The following ANKRD30B variants were observed in gnomAD, a reference collection of about 807,000 sequenced individuals.
The protein encoded by ANKRD30B is ankyrin repeat domain 30B, also known as ankyrin repeat domain-containing protein 30B.
Under a neutral mutation model 202.2 loss-of-function variants are expected in ANKRD30B, and 144 were observed. The observed-to-expected ratio is 0.71, with a 90% CI of 0.62 to 0.82. ANKRD30B has a LOEUF of 0.82. Among genes scored for constraint, ANKRD30B ranks in the 40% least tolerant of loss-of-function variants. The pLI, the probability that ANKRD30B is intolerant of heterozygous loss-of-function variation, is 0.00. For synonymous variants in ANKRD30B, 508 were observed against 561.3 expected (o/e 0.91, Z 1.34); for missense variants, 1,487 against 1,669.1 (o/e 0.89, Z 1.90).
chr18:14,843,646 C>A (rs570458134), intron 39 of ANKRD30B, among the ~76,000 whole-genome samples: 20 of 151,196 alleles, frequency 1.3e-4, no homozygotes, highest in African/African-American at 4.4e-4. Context: ...GTGTGGTACC[C>A]TTAATTTTTA....
At chr18:14,891,145 G>A in the ANKRD30B span, among the ~76,000 whole-genome samples, 125 of 152,234 alleles carry the variant, frequency 8.2e-4, 1 homozygote, top group Middle Eastern at 3.4e-3. Flanking sequence ...AAGAAAAGTC[G>A]AAGTGTCAAT....
At chr18:14,882,100 G>T in the ANKRD30B span, among the ~76,000 whole-genome samples, 1 of 152,006 alleles carries the variant, frequency 6.6e-6, no homozygotes, top group Non-Finnish European at 1.5e-5. Flanking sequence ...TTGTTCTTGT[G>T]TCAATTTCAT....
At chr18:14,911,508 T>C in the ANKRD30B span, among the ~76,000 whole-genome samples, 1 of 152,190 alleles carries the variant, frequency 6.6e-6, no homozygotes, top group African/African-American at 2.4e-5. Context: ...ACCATTACCA[T>C]GTTGTCTTGG....
chr18:14,812,536 T>TA (rs1417293552), intron 28 of ANKRD30B, among the ~76,000 whole-genome samples: 1 of 119,424 alleles, frequency 8.4e-6, no homozygotes, highest in East Asian at 2.6e-4. Context: ...TTTTTAAGCT[T>TA]ATCTTCCTAA....
intron 34 of ANKRD30B, among the ~76,000 whole-genome samples, chr18:14,835,139 A>C (rs1295731608): frequency 6.6e-6 from 1 of 151,864 alleles, no homozygotes; most frequent in Admixed American, 6.5e-5. Flanking sequence ...GTTTCTGATC[A>C]TATGAACATG....
chr18:14,874,762 T>C, the ANKRD30B span, among the ~76,000 whole-genome samples: 4 of 152,232 alleles, frequency 2.6e-5, no homozygotes, highest in African/African-American at 9.6e-5. Context: ...TCTTCCCTTT[T>C]ATGAATGGAA....
chr18:14,827,195 A>T (rs760630067), intron 32 of ANKRD30B, among the ~76,000 whole-genome samples: 5 of 152,150 alleles, frequency 3.3e-5, no homozygotes, highest in Non-Finnish European at 7.4e-5. Flanking sequence ...GGAACAGACC[A>T]TTTTGATGAC....
At chr18:14,789,378 G>T (rs1462524299) in intron 15 of ANKRD30B, among the ~76,000 whole-genome samples, 1 of 152,106 alleles carries the variant, frequency 6.6e-6, no homozygotes, top group East Asian at 1.9e-4. Context: ...TTGCTGTGCA[G>T]AAGCTCTTTA....
At position 14,748,408 on chromosome 18, in the gene ANKRD30B, G is replaced by A. The variant is rs528901505; in HGVS notation, c.-12G>A. On this transcript the variant is annotated 5_prime_UTR_variant, in exon 1 of 44. Coordinates refer to ENST00000690538, the MANE Select transcript of ANKRD30B (RefSeq NM_001367607.2). ...GGGAGGCGCGGGCTCTCTCTAGCAG[G>A]GGGCTGCAGCCATGAAGAGGCTCTT... is the stretch of plus-strand genomic sequence containing the variant. The A allele has an allele frequency of 8.7e-5, 127 of 1,467,582 alleles. 7 individuals are homozygous for A. The South Asian group carries it at 1.8e-3, about 20-fold the overall frequency. The allele number at this position is 1,467,582 out of a possible 1,614,324, so 90.9% of individuals were successfully genotyped here.
the ANKRD30B span, among the ~76,000 whole-genome samples, chr18:14,865,242 C>T: frequency 6.6e-6 from 1 of 151,972 alleles, no homozygotes; most frequent in South Asian, 2.1e-4. Flanking sequence ...CCTTCTCCCA[C>T]TGGCCACCCT....
the ANKRD30B span, among the ~76,000 whole-genome samples, chr18:14,880,905 G>C: frequency 6.6e-6 from 1 of 152,130 alleles, no homozygotes; most frequent in Non-Finnish European, 1.5e-5. Flanking sequence ...TTGATGTATA[G>C]AAGAGCTACT....
intron 34 of ANKRD30B, among the ~76,000 whole-genome samples, chr18:14,833,589 G>A (rs1476540365): frequency 2.0e-5 from 3 of 152,096 alleles, no homozygotes; most frequent in Non-Finnish European, 2.9e-5. Flanking sequence ...TCTCTCTGTA[G>A]TAAGAATATT....
intron 1 of ANKRD30B, among the ~76,000 whole-genome samples, chr18:14,751,648 G>A (rs988435635): frequency 2.6e-5 from 4 of 152,098 alleles, no homozygotes; most frequent in African/African-American, 9.7e-5. Context: ...CATACATTCT[G>A]TAAATCTAAA....
chr18:14,757,261 C>T (rs976842826), intron 4 of ANKRD30B, among the ~76,000 whole-genome samples: 11 of 152,132 alleles, frequency 7.2e-5, no homozygotes, highest in Non-Finnish European at 1.6e-4. Context: ...ACCTTGCAAA[C>T]ATTACATAAT....
intron 16 of ANKRD30B, 26 bp downstream of exon 16, chr18:14,791,517 G>C (rs751352664): frequency 1.3e-6 from 2 of 1,547,748 alleles, no homozygotes; most frequent in Admixed American, 3.7e-5. Flanking sequence ...TAATTAAAAA[G>C]TCATTTGACC....
At chr18:14,784,735 G>A (rs1598613612) in intron 14 of ANKRD30B, among the ~76,000 whole-genome samples, 200 bp downstream of exon 14, 1 of 152,144 alleles carries the variant, frequency 6.6e-6, no homozygotes, top group Non-Finnish European at 1.5e-5. Flanking sequence ...AAAAAATGTA[G>A]CCTTAATCTC....
Position 14,851,877 on chromosome 18 carries a change from T to G in ANKRD30B, c.3933T>G (p.Ser1311Arg). The G allele has an allele frequency of 6.3e-7, 1 of 1,589,222 alleles. No homozygotes were observed. The highest frequency in any genetic ancestry group is 8.6e-7 in the Non-Finnish European group (1 of 1,166,720). Residue 1311 changes from serine (S) to arginine (R), a missense_variant, in exon 42 of 44, where the codon AGT becomes AGG. Around this residue, in one of 6 missense-constraint regions of ANKRD30B, gnomAD observed 182 missense variants for 216.0 expected, o/e 0.84. Coordinates refer to ENST00000690538, the MANE Select transcript of ANKRD30B (RefSeq NM_001367607.2). ...LASALQDHDQ[S>R]VTSRKNQELA... The stretch of plus-strand genomic sequence containing the variant: ...CTGCTTTACAAGACCATGATCAAAG[T>G]GTCACATCAAGAAAAAACCAAGAAC...
the ANKRD30B span, among the ~76,000 whole-genome samples, chr18:14,922,276 A>C: frequency 5.3e-5 from 8 of 152,102 alleles, no homozygotes; most frequent in African/African-American, 1.9e-4. Context: ...CCAGAGGGGT[A>C]TCTCCCATCC....
At chr18:14,886,501 C>G in the ANKRD30B span, among the ~76,000 whole-genome samples, 2 of 151,982 alleles carry the variant, frequency 1.3e-5, no homozygotes, top group African/African-American at 4.8e-5. Flanking sequence ...GGATTTACTA[C>G]TAAATATTGG....
Sources: gnomAD v4.1 joint callset for allele counts (sites outside exome capture counted in the v4.1 genomes callset) on GRCh38, gnomAD v4.1.1 for gene constraint, gnomAD v4.1.1 regional missense constraint, MANE v1.5 for transcripts, NCBI Gene and HGNC (gene_info 2026-07-23, HGNC 2026-07-21) for gene names.